Variants in PBX1 observed in about 807,000 individuals in gnomAD.
The protein encoded by PBX1 is pre-B-cell leukemia transcription factor 1.
PBX1 carries 6 observed loss-of-function variants against 53.4 expected under a neutral mutation model. That is an observed-to-expected ratio of 0.11 (90% CI 0.06 to 0.22). The LOEUF (loss-of-function observed/expected upper bound fraction) is 0.22, where lower values mean the gene tolerates loss of function less well. Ranked by LOEUF, PBX1 falls within the 10% of genes least tolerant of loss-of-function variation. The probability of loss-of-function intolerance (pLI) is 1.00; values close to 1 mark genes in which losing one functional copy is unlikely to be tolerated. For missense variants in PBX1, 251 were observed against 551.4 expected (o/e 0.46, Z 5.46); for synonymous variants, 204 against 212.3 (o/e 0.96, Z 0.34).
At chr1:164,560,650 G>GT (rs928198231) in intron 1 of PBX1, among the ~76,000 whole-genome samples, 1 of 151,900 alleles carries the variant, frequency 6.6e-6, no homozygotes, top group Non-Finnish European at 1.5e-5. Context: ...ACTTAATTTT[G>GT]TTTTTTTAAA....
At chr1:164,882,781 G>A (rs989930171) in intron 2 of PBX1, among the ~76,000 whole-genome samples, 1 of 152,140 alleles carries the variant, frequency 6.6e-6, no homozygotes, top group Admixed American at 6.5e-5. Context: ...ACATCAAGGA[G>A]AGGAACAGGT....
rs529421679 is a variant in PBX1, at chr1:164,821,646, C to A, written c.1200+20C>A. The A allele has an allele frequency of 7.6e-6, 12 of 1,589,358 alleles. 1 individual carries two copies. In the South Asian group the frequency reaches 9.9e-5, roughly 13 times the overall value. ...ATCAGTGTAAGAAAACAAGCCCCCC[C>A]ACCCCCTGCTTTGTTTTTATTCTTT... On this transcript the variant is annotated intron_variant, in intron 8 of 8. Transcript: ENST00000420696.
At chr1:164,884,843 C>T (rs907315973) in intron 2 of PBX1, among the ~76,000 whole-genome samples, 5 of 152,284 alleles carry the variant, frequency 3.3e-5, no homozygotes, top group Non-Finnish European at 4.4e-5. Flanking sequence ...CACTTTTAAG[C>T]ATTTACTGTG....
chr1:164,750,620 G>C (rs1040271723), intron 2 of PBX1, among the ~76,000 whole-genome samples: 1 of 152,200 alleles, frequency 6.6e-6, no homozygotes, highest in Non-Finnish European at 1.5e-5. Context: ...ACCAGTGGGG[G>C]CAGAGACAGT....
Position 164,851,391 on chromosome 1 carries a change from AATG to A in PBX1, c.*4720_*4722del, listed in dbSNP as rs1270467167. On this transcript the variant is annotated 3_prime_UTR_variant, in exon 9 of 9. Coordinates refer to ENST00000420696, the MANE Select transcript of PBX1 (RefSeq NM_002585.4). Reference sequence around the variant, plus strand: ...TGTACTCTTGAAGTCACAACAAAATAATGATGAGCTTTTCACATCACCTTTATG... The same window carrying A: ...TGTACTCTTGAAGTCACAACAAAATAATGAGCTTTTCACATCACCTTTATG... 9.8e-6 allele frequency: 2 copies of A among 203,976 alleles called. No individual in the cohort carries two copies. The highest frequency in any genetic ancestry group is 4.6e-5 in the African/African-American group (2 of 43,678). 12.6% of individuals were successfully genotyped at this position (203,976 alleles called of 1,614,324 possible).
Position 164,821,594 on chromosome 1 carries a change from G to A in PBX1, c.1168G>A (p.Ala390Thr), listed in dbSNP as rs564455203. 4.3e-6 allele frequency: 7 copies of A among 1,614,014 alleles called. No homozygotes were observed. The South Asian group carries it at 5.5e-5, about 13-fold the overall frequency. Residue 390 changes from alanine (A) to threonine (T), a missense_variant, in exon 8 of 9, where the codon GCC (alanine) becomes ACC (threonine). By Grantham distance (58) the Ala-to-Thr change is moderately conservative (BLOSUM62 0). Transcript: ENST00000420696. ...AGGAGGATACAGTGATGGACTCGCA[G>A]CCAGTCAGATGTACAGTCCGCAGGG... ...QTGGYSDGLAASQMYSPQGIS... is the reference protein window; with the variant it reads ...QTGGYSDGLATSQMYSPQGIS...
chr1:164,656,353 G>A (rs1277429260), intron 2 of PBX1, among the ~76,000 whole-genome samples: 2 of 152,102 alleles, frequency 1.3e-5, no homozygotes, highest in Admixed American at 1.3e-4. Context: ...AATAATTCAG[G>A]AGGCAAATGT....
intron 2 of PBX1, among the ~76,000 whole-genome samples, chr1:164,757,500 C>T: frequency 6.6e-6 from 1 of 152,036 alleles, no homozygotes; most frequent in East Asian, 1.9e-4. Flanking sequence ...TAAGTAACAA[C>T]CCCAAAGTAA....
At chr1:164,579,985 T>C (rs1398476220) in intron 2 of PBX1, among the ~76,000 whole-genome samples, 1 of 152,212 alleles carries the variant, frequency 6.6e-6, no homozygotes, top group African/African-American at 2.4e-5. Context: ...GAGATTTTAC[T>C]TGGTAAGTTT....
intron 2 of PBX1, among the ~76,000 whole-genome samples, chr1:164,759,174 A>G (rs1452281330): frequency 6.6e-6 from 1 of 152,234 alleles, no homozygotes; most frequent in African/African-American, 2.4e-5. Flanking sequence ...ATATGCCTTT[A>G]AAGGATAGTG....
At chr1:164,668,952 C>G (rs1437532439) in intron 2 of PBX1, among the ~76,000 whole-genome samples, 2 of 151,916 alleles carry the variant, frequency 1.3e-5, no homozygotes, top group Non-Finnish European at 2.9e-5. Flanking sequence ...CACACGTCTG[C>G]TTGGGAGTCT....
intron 2 of PBX1, among the ~76,000 whole-genome samples, chr1:164,588,542 C>T (rs1376434080): frequency 8.2e-6 from 1 of 121,904 alleles, no homozygotes; most frequent in Non-Finnish European, 1.6e-5. Flanking sequence ...ATTTTATATG[C>T]ATATATATTC....
Position 164,749,222 on chromosome 1 carries a change from T to C in PBX1, c.266-43272T>C, listed in dbSNP as rs546186551. ...CCTTTCAGTTTTTAATCTATTTGCATATATAATATATTAGCTAGCTAAAAT... is the reference window on the plus strand; with the variant it reads ...CCTTTCAGTTTTTAATCTATTTGCACATATAATATATTAGCTAGCTAAAAT... On this transcript the variant is annotated intron_variant, in intron 2 of 8. Transcript: ENST00000420696. Among the ~76,000 whole-genome samples, 53 of 152,362 alleles carry C rather than the reference T, an allele frequency of 3.5e-4. 2 individuals are homozygous for C. In the South Asian group the frequency reaches 0.011, roughly 31 times the overall value.
chr1:164,801,625 C>G (rs182202360), intron 4 of PBX1, among the ~76,000 whole-genome samples: 1 of 152,158 alleles, frequency 6.6e-6, no homozygotes, highest in Non-Finnish European at 1.5e-5. Flanking sequence ...GTTTTGTACG[C>G]AAGTTTCTTT....
intron 2 of PBX1, among the ~76,000 whole-genome samples, chr1:164,658,166 CAAAAAA>C (rs5778403): frequency 7.2e-6 from 1 of 138,464 alleles, no homozygotes. Flanking sequence ...AAATGAGGTA[CAAAAAA>C]AAAAAAAAAG....
At chr1:164,793,805 C>CT (rs1005822812) in intron 3 of PBX1, among the ~76,000 whole-genome samples, 2 of 142,978 alleles carry the variant, frequency 1.4e-5, no homozygotes, top group Admixed American at 6.9e-5. Flanking sequence ...CTTTTCTTTT[C>CT]TTTTTTTTCG....
intron 2 of PBX1, among the ~76,000 whole-genome samples, chr1:164,876,815 C>A (rs528113671): frequency 6.6e-6 from 1 of 152,200 alleles, no homozygotes; most frequent in East Asian, 1.9e-4. Context: ...TTTATCACAG[C>A]CCCCAAATGC....
chr1:164,881,286 G>C lies in PBX1; in HGVS notation n.258-17902G>C, dbSNP rs564330205. On this transcript the variant is annotated intron_variant and non_coding_transcript_variant, in intron 2 of 2. Coordinates refer to the PBX1 transcript ENST00000558796. ...TGAAGAAGAACTGCAGAGACACAGA[G>C]AGAAAGGAAGGAAAGAGGGAAGGAA... 6.2e-4 allele frequency among the ~76,000 whole-genome samples: 92 copies of C among 147,546 alleles called. 1 individual carries two copies. The highest frequency in any genetic ancestry group is 1.0e-3 in the Non-Finnish European group (69 of 67,000).
chr1:164,833,283 G>A (rs2102394292), intron 8 of PBX1, among the ~76,000 whole-genome samples: 1 of 152,192 alleles, frequency 6.6e-6, no homozygotes, highest in Non-Finnish European at 1.5e-5. Context: ...CTAATGTGGT[G>A]ATTTTTGCGG....
Sources: gnomAD v4.1 joint callset for allele counts (sites outside exome capture counted in the v4.1 genomes callset) on GRCh38, gnomAD v4.1.1 for gene constraint, MANE v1.5 for transcripts, NCBI Gene and HGNC (gene_info 2026-07-23, HGNC 2026-07-21) for gene names.